Variants in DNAH5 observed in about 807,000 individuals in gnomAD.
The protein encoded by DNAH5 is dynein axonemal heavy chain 5.
In DNAH5, 372 loss-of-function variants were observed where a neutral mutation model predicts 518.2. The ratio of observed to expected loss-of-function variants is 0.72; its 90% CI spans 0.66 to 0.78. DNAH5 has a LOEUF of 0.78. Among genes scored for constraint, DNAH5 ranks in the 30% least tolerant of loss-of-function variants. The pLI is 0.00. For synonymous variants in DNAH5, 2,039 were observed against 2,025.9 expected, an observed-to-expected ratio of 1.01 and a Z score of -0.17; for missense variants, 5,523 against 5,687.0, an observed-to-expected ratio of 0.97 and a Z score of 0.93.
At chr5:13,922,873 C>T (rs754623919) in intron 4 of DNAH5, among the ~76,000 whole-genome samples, 1 of 151,676 alleles carries the variant, frequency 6.6e-6, no homozygotes, top group Non-Finnish European at 1.5e-5. Context: ...GAAGATAGTG[C>T]ACCTGTCAGA....
intron 47 of DNAH5, among the ~76,000 whole-genome samples, chr5:13,796,043 C>A (rs1087776): frequency 6.6e-6 from 1 of 151,966 alleles, no homozygotes; most frequent in African/African-American, 2.4e-5. Flanking sequence ...ATTGATGGAA[C>A]GTATCTCAAA....
At chr5:13,975,296 TG>T (rs1200096453) in intron 1 of DNAH5, among the ~76,000 whole-genome samples, 3 of 152,128 alleles carry the variant, frequency 2.0e-5, no homozygotes, top group Non-Finnish European at 4.4e-5. Context: ...AAGAGCAGTG[TG>T]GGGGAAACCA....
chr5:13,752,605 C>T (rs1033817551), intron 63 of DNAH5, among the ~76,000 whole-genome samples: 10 of 152,288 alleles, frequency 6.6e-5, no homozygotes, highest in Admixed American at 5.2e-4. Context: ...AAATGAATTT[C>T]GTGTTCTGAC....
chr5:13,754,564 G>A (rs1387393075), intron 61 of DNAH5, among the ~76,000 whole-genome samples: 1 of 152,074 alleles, frequency 6.6e-6, no homozygotes, highest in Non-Finnish European at 1.5e-5. Context: ...GCTGGATAGA[G>A]TTTCGCTCTT....
chr5:13,876,714 C>T lies in DNAH5; in HGVS notation c.3366G>A (p.Val1122=), dbSNP rs1770939129. Residue 1122 remains valine, a synonymous_variant, in exon 22 of 79, where the codon GTG becomes GTA. Transcript: ENST00000265104. ...ENKEIVKLVS[V]LSTIINSTKK... ...TGGTGGAGTTGATAATTGTGCTAAG[C>T]ACAGAAACTAATTTTACAATCTCTT... 1 of 1,613,902 alleles carries T rather than the reference C, an allele frequency of 6.2e-7. No homozygotes were observed. Among genetic ancestry groups the T allele is most frequent in the South Asian group, 1.1e-5 (1 of 91,066 alleles).
In DNAH5 at chr5:13,814,659, T is replaced by C; in HGVS notation, c.7176A>G (p.Arg2392=). The C allele has an allele frequency of 6.2e-7, 1 of 1,614,062 alleles. No individual in the cohort carries two copies. Among genetic ancestry groups the C allele is most frequent in the Non-Finnish European group, 8.5e-7 (1 of 1,179,926 alleles). Residue 2392 remains arginine, a synonymous_variant, in exon 43 of 79, where the codon AGA becomes AGG. Transcript: ENST00000265104. ...AAGAGCTCATGAAAACCATTCCATTTCTTGAGACGGTGGCAGGAGAAGCAT... is the reference window on the plus strand; with the variant it reads ...AAGAGCTCATGAAAACCATTCCATTCCTTGAGACGGTGGCAGGAGAAGCAT... ...IDNASPATVS[R]NGMVFMSSSI...
chr5:13,915,784 T>C (rs1044763581), intron 9 of DNAH5, among the ~76,000 whole-genome samples: 1 of 152,136 alleles, frequency 6.6e-6, no homozygotes, highest in Non-Finnish European at 1.5e-5. Flanking sequence ...CTGTTCAAAA[T>C]GAGAATAGCA....
Position 13,829,541 on chromosome 5 carries a change from T to A in DNAH5, c.6413A>T (p.Tyr2138Phe). ...AGAAAGCTGCTCCTCACACAGTTTG[T>A]AGAGCGTGAAAAACTTCCTGGCCAA... The part of the protein sequence containing the change: ...VVLARKFFTL[Y>F]KLCEEQLSKQ... The change falls in exon 38 of 79, where the codon TAC (tyrosine) becomes TTC (phenylalanine). Residue 2138 changes from tyrosine (Y) to phenylalanine (F), a missense_variant. By Grantham distance (22) the Tyr-to-Phe change is conservative. Transcript: ENST00000265104. The A allele has an allele frequency of 6.2e-7, 1 of 1,614,128 alleles. No homozygotes were observed. Among genetic ancestry groups the A allele is most frequent in the Non-Finnish European group, 8.5e-7 (1 of 1,180,020 alleles).
At chr5:13,843,677 C>T (rs548060871) in intron 32 of DNAH5, among the ~76,000 whole-genome samples, 126 of 152,266 alleles carry the variant, frequency 8.3e-4, no homozygotes, top group African/African-American at 2.9e-3. Context: ...CCCACACTTC[C>T]GAGCGCCCAC....
At chr5:13,793,471 G>C (rs1451361749) in intron 49 of DNAH5, 44 bp downstream of exon 49, 2 of 1,530,872 alleles carry the variant, frequency 1.3e-6, no homozygotes, top group African/African-American at 2.7e-5. Flanking sequence ...ACCCAAGCAG[G>C]TGTTCTTCCT....
At chr5:13,958,956 T>TTTGTTGTTG (rs112550386) in intron 1 of DNAH5, among the ~76,000 whole-genome samples, 2 of 151,992 alleles carry the variant, frequency 1.3e-5, no homozygotes, top group African/African-American at 2.4e-5. Flanking sequence ...CAACAGCCTT[T>TTTGTTGTTG]TTGTTGTTGT....
intron 34 of DNAH5, among the ~76,000 whole-genome samples, chr5:13,840,138 C>A (rs570551040): frequency 6.6e-6 from 1 of 152,116 alleles, no homozygotes; most frequent in African/African-American, 2.4e-5. Context: ...CTTTATTCCT[C>A]GGAAAGGTAA....
chr5:13,809,975 GA>G, intron 45 of DNAH5, 83 bp downstream of exon 45: 2 of 1,326,832 alleles, frequency 1.5e-6, no homozygotes, highest in Non-Finnish European at 2.1e-6. Flanking sequence ...ATCTCATTTA[GA>G]AAAAATATAT....
chr5:13,881,796 AG>A (rs1479940905), intron 21 of DNAH5, among the ~76,000 whole-genome samples: 1 of 152,074 alleles, frequency 6.6e-6, no homozygotes, highest in African/African-American at 2.4e-5. Flanking sequence ...AGAACAGACA[AG>A]CCCAAAGTTA....
intron 30 of DNAH5, among the ~76,000 whole-genome samples, chr5:13,856,760 C>A (rs951630844): frequency 2.0e-4 from 30 of 152,096 alleles, no homozygotes; most frequent in African/African-American, 7.0e-4. Flanking sequence ...AATGAAAAAA[C>A]CACATGATTA....
intron 24 of DNAH5, among the ~76,000 whole-genome samples, chr5:13,870,424 G>A (rs1199586718): frequency 6.6e-6 from 1 of 152,166 alleles, no homozygotes; most frequent in Non-Finnish European, 1.5e-5. Flanking sequence ...CTCAATTGAT[G>A]TTGTAGAGTG....
In DNAH5 at chr5:13,900,347, C is replaced by T. The variant is rs766984347; in HGVS notation, c.2118G>A (p.Leu706=). 2.8e-5 allele frequency: 45 copies of T among 1,614,178 alleles called. No individual in the cohort carries two copies. Among genetic ancestry groups the T allele is most frequent in the Non-Finnish European group, 3.6e-5 (42 of 1,180,020 alleles). Residue 706 remains leucine, a synonymous_variant, in exon 15 of 79, where the codon TTG becomes TTA. Transcript: ENST00000265104. The part of the protein sequence containing the change: ...LLVKAPGTGE[L]FVNFDPQILI... ...ATATCTGAGGGTCAAAGTTTACAAA[C>T]AATTCCCCTGTGCCTGGAGCCTTCA...
intron 30 of DNAH5, among the ~76,000 whole-genome samples, chr5:13,852,813 T>C (rs1767076765): frequency 6.6e-6 from 1 of 152,140 alleles, no homozygotes; most frequent in African/African-American, 2.4e-5. Context: ...CCAGACTGCC[T>C]CTCTAGATTC....
chr5:13,786,508 A>G (rs1314620605), intron 51 of DNAH5, among the ~76,000 whole-genome samples, 157 bp from the exon 52 acceptor site: 1 of 152,220 alleles, frequency 6.6e-6, no homozygotes, highest in East Asian at 1.9e-4. Flanking sequence ...GAAGACAACA[A>G]TAGAAGCGTT....
Sources: gnomAD v4.1 joint callset for allele counts (sites outside exome capture counted in the v4.1 genomes callset) on GRCh38, gnomAD v4.1.1 for gene constraint, MANE v1.5 for transcripts, NCBI Gene and HGNC (gene_info 2026-07-23, HGNC 2026-07-21) for gene names.